Variants in KCNS3 observed in about 807,000 individuals in gnomAD.
The protein encoded by KCNS3 is potassium voltage-gated channel modifier subfamily S member 3.
A neutral mutation model predicts 31.0 loss-of-function variants in KCNS3; 13 were observed. The ratio of observed to expected loss-of-function variants is 0.42; its 90% CI spans 0.27 to 0.67. The LOEUF (loss-of-function observed/expected upper bound fraction) is 0.67, where lower values mean the gene tolerates loss of function less well. Ranked by LOEUF, KCNS3 falls within the 30% of genes least tolerant of loss-of-function variation. KCNS3 has a pLI of 0.25. For synonymous variants in KCNS3, 238 were observed against 241.5 expected (o/e 0.99, Z 0.13); for missense variants, 545 against 622.4 (o/e 0.88, Z 1.32).
chr2:17,884,848 T>C (rs1415188347), intron 1 of KCNS3, among the ~76,000 whole-genome samples: 1 of 152,104 alleles, frequency 6.6e-6, no homozygotes, highest in African/African-American at 2.4e-5. Context: ...TTTGAGTACT[T>C]CTAGAAGATT....
rs1662949413 is a variant in KCNS3, at chr2:17,931,057, G to A, written c.49G>A (p.Val17Ile). 1.2e-6 allele frequency: 2 copies of A among 1,614,090 alleles called. No homozygotes were observed. Among genetic ancestry groups the A allele is most frequent in the Non-Finnish European group, 1.7e-6 (2 of 1,179,998 alleles). Residue 17 changes from valine to isoleucine, a missense_variant, in exon 3 of 3, where the codon GTC becomes ATC. Val to Ile is a conservative substitution (Grantham distance 29, BLOSUM62 3). Transcript: ENST00000304101. This position sits in a 1 kb window ranked among gnomAD's most constrained non-coding sequence, Gnocchi z 5.4. Reference sequence around the variant, plus strand: ...TCGCCCTGGACAAGACGAGGAACTTGTCAACCTGAATGTGGGGGGCTTTAA... The same window carrying A: ...TCGCCCTGGACAAGACGAGGAACTTATCAACCTGAATGTGGGGGGCTTTAA... ...FHRPGQDEEL[V>I]NLNVGGFKQS...
intron 1 of KCNS3, among the ~76,000 whole-genome samples, chr2:17,901,647 G>A (rs1386806467): frequency 6.6e-6 from 1 of 152,094 alleles, no homozygotes. Flanking sequence ...GATGAGAAGA[G>A]CAGAGGCACA....
In KCNS3 at chr2:17,932,855, G is replaced by A. The variant is rs1344378583; in HGVS notation, c.*371G>A. 3.2e-5 allele frequency: 6 copies of A among 189,084 alleles called. No individual in the cohort carries two copies. The highest frequency in any genetic ancestry group is 5.8e-5 in the Admixed American group (1 of 17,164). 11.7% of individuals were successfully genotyped at this position (189,084 alleles called of 1,614,324 possible). On this transcript the variant is annotated 3_prime_UTR_variant, in exon 3 of 3. Transcript: ENST00000304101. ...AATCAAAGGTGCAGCTGACTGAGAC[G>A]ACATGCATGTAAGATCCACAAAATG...
intron 1 of KCNS3, among the ~76,000 whole-genome samples, chr2:17,892,966 G>T (rs1661895504): frequency 6.6e-6 from 1 of 152,204 alleles, no homozygotes; most frequent in South Asian, 2.1e-4. Context: ...AACCAGCAGT[G>T]GGTGGGGCCC....
rs113969475 is a variant in KCNS3, at chr2:17,931,605, C to T, written c.597C>T (p.Ile199=). The T allele has an allele frequency of 3.5e-4, 567 of 1,614,160 alleles. 4 individuals carry two copies. Among genetic ancestry groups the T allele is most frequent in the African/African-American group, 5.9e-4 (44 of 75,042 alleles). Residue 199 remains isoleucine (I), a synonymous_variant, in exon 3 of 3, where the codon ATC becomes ATT. Coordinates refer to ENST00000304101, the MANE Select transcript of KCNS3 (RefSeq NM_002252.5). The surrounding 1 kb of genome is among the most constrained non-coding windows in gnomAD (Gnocchi z 5.4). Reference sequence around the variant, plus strand: ...CCTTGAGCGTGGTGCTGGCCTCCATCGTGGCCATGTGCGTTCACAGCATGT... The same window carrying T: ...CCTTGAGCGTGGTGCTGGCCTCCATTGTGGCCATGTGCGTTCACAGCATGT... The part of the protein sequence containing the change: ...ISSLSVVLAS[I]VAMCVHSMSE...
chr2:17,927,779 A>G (rs1662870607), intron 2 of KCNS3, among the ~76,000 whole-genome samples: 1 of 152,200 alleles, frequency 6.6e-6, no homozygotes, highest in Non-Finnish European at 1.5e-5. Context: ...GGGTGGAGAT[A>G]CAAAGCCCAA....
chr2:17,896,246 G>C (rs1662021458), intron 1 of KCNS3, among the ~76,000 whole-genome samples: 1 of 151,900 alleles, frequency 6.6e-6, no homozygotes, highest in African/African-American at 2.4e-5. Flanking sequence ...GTGGGATCTT[G>C]CTGTGTTGCC....
At chr2:17,903,479 T>C (rs1662235667) in intron 1 of KCNS3, among the ~76,000 whole-genome samples, 1 of 152,198 alleles carries the variant, frequency 6.6e-6, no homozygotes, top group Non-Finnish European at 1.5e-5. Context: ...TATTATACTT[T>C]AAGTTCTAGG....
chr2:17,908,693 C>T (rs139086898), intron 1 of KCNS3, among the ~76,000 whole-genome samples: 2,702 of 152,332 alleles, frequency 0.018, 68 homozygotes, highest in African/African-American at 0.061. Flanking sequence ...GGACCCTCAG[C>T]TGCAGGTCTG....
At chr2:17,930,012 T>C (rs1662920436) in intron 2 of KCNS3, among the ~76,000 whole-genome samples, 1 of 152,188 alleles carries the variant, frequency 6.6e-6, no homozygotes, top group South Asian at 2.1e-4. Flanking sequence ...GAAACGTCAT[T>C]GCATTGGGTG....
intron 1 of KCNS3, among the ~76,000 whole-genome samples, chr2:17,888,541 G>A (rs1661746200): frequency 1.3e-5 from 2 of 148,362 alleles, no homozygotes; most frequent in African/African-American, 5.0e-5. Context: ...AATGGGTGCA[G>A]CACACCAACA....
At chr2:17,885,521 G>A (rs1661634978) in intron 1 of KCNS3, among the ~76,000 whole-genome samples, 1 of 152,178 alleles carries the variant, frequency 6.6e-6, no homozygotes, top group Non-Finnish European at 1.5e-5. Flanking sequence ...GGATGGGCCA[G>A]CAGGCTGGAA....
chr2:17,881,479 C>G (rs1289837905), intron 1 of KCNS3, among the ~76,000 whole-genome samples: 1 of 152,184 alleles, frequency 6.6e-6, no homozygotes, highest in Non-Finnish European at 1.5e-5. Context: ...TGACCTAGAT[C>G]TCTAATATTT....
chr2:17,920,817 T>A (rs918825367), intron 2 of KCNS3, among the ~76,000 whole-genome samples: 2 of 152,192 alleles, frequency 1.3e-5, no homozygotes, highest in African/African-American at 4.8e-5. Context: ...TGAATGTCAA[T>A]CTCCTTACAG....
Position 17,899,203 on chromosome 2 carries a change from C to T in KCNS3, c.-251-18477C>T, listed in dbSNP as rs145725705. ...ATCCCACCACTGCACTCCAGCCTGGCGACAGAGTGAGACTCTGTCTCAAAA... is the reference window on the plus strand; with the variant it reads ...ATCCCACCACTGCACTCCAGCCTGGTGACAGAGTGAGACTCTGTCTCAAAA... On this transcript the variant is annotated intron_variant, in intron 1 of 2. Coordinates refer to ENST00000304101, the MANE Select transcript of KCNS3 (RefSeq NM_002252.5). Among the ~76,000 whole-genome samples the T allele has an allele frequency of 4.9e-3, 750 of 151,938 alleles. 3 individuals carry two copies. The highest frequency in any genetic ancestry group is 7.7e-3 in the Non-Finnish European group (520 of 67,956).
At chr2:17,888,494 T>G (rs1661744126) in intron 1 of KCNS3, among the ~76,000 whole-genome samples, 1 of 151,164 alleles carries the variant, frequency 6.6e-6, no homozygotes, top group African/African-American at 2.4e-5. Context: ...AGGGGAGGGA[T>G]AGCATTAGGA....
In KCNS3 at chr2:17,931,378, C is replaced by T. The variant is rs76178253; in HGVS notation, c.370C>T (p.Arg124Cys). 1.3e-4 allele frequency: 213 copies of T among 1,614,092 alleles called. No homozygotes were observed. In the African/African-American group the frequency reaches 1.5e-3, roughly 12 times the overall value. ...DSCCSNRYQE[R>C]KEENHEKDWD... ...TTGCTGCAGCAATCGCTACCAGGAA[C>T]GCAAGGAGGAAAACCACGAGAAGGA... is the stretch of plus-strand genomic sequence containing the variant. The change falls in exon 3 of 3, where the codon CGC becomes TGC. Residue 124 changes from arginine (R) to cysteine (C), a missense_variant. Transcript: ENST00000304101. The surrounding 1 kb of genome is among the most constrained non-coding windows in gnomAD (Gnocchi z 5.4).
intron 1 of KCNS3, among the ~76,000 whole-genome samples, chr2:17,905,415 A>G (rs1351427096): frequency 2.0e-5 from 3 of 152,208 alleles, no homozygotes; most frequent in Non-Finnish European, 4.4e-5. Context: ...AACAGGGACA[A>G]TTTGACTTCC....
In KCNS3 at chr2:17,932,592, T is replaced by C; in HGVS notation, c.*108T>C. The C allele has an allele frequency of 8.3e-7, 1 of 1,199,440 alleles. No homozygotes were observed. The highest frequency in any genetic ancestry group is 1.2e-6 in the Non-Finnish European group (1 of 858,672). 74.3% of individuals were successfully genotyped at this position (1,199,440 alleles called of 1,614,324 possible). A position where few individuals can be genotyped will look rare whatever the true frequency, so the allele number is the denominator to read the frequency against. ...AATCATTTAATTCTCAGGGTGTACC[T>C]TTCAGCCATAGTTGGACATTCATTG... On this transcript the variant is annotated 3_prime_UTR_variant, in exon 3 of 3. Coordinates refer to ENST00000304101, the MANE Select transcript of KCNS3 (RefSeq NM_002252.5).
Sources: gnomAD v4.1 joint callset for allele counts (sites outside exome capture counted in the v4.1 genomes callset) on GRCh38, gnomAD v4.1.1 for gene constraint, Gnocchi (gnomAD v3.1) non-coding constraint, MANE v1.5 for transcripts, NCBI Gene and HGNC (gene_info 2026-07-23, HGNC 2026-07-21) for gene names.